TG: variants seen among roughly 807,000 people sequenced by gnomAD.
The protein encoded by TG is thyroid hormones.
A neutral mutation model predicts 324.7 loss-of-function variants in TG; 270 were observed. That is an observed-to-expected ratio of 0.83 (90% CI 0.75 to 0.92). The LOEUF (loss-of-function observed/expected upper bound fraction) is 0.92. TG is among the 40% of genes least tolerant of loss of function. TG has a pLI of 0.00. For synonymous variants in TG, 1,401 were observed against 1,327.0 expected (o/e 1.06, Z -1.21); for missense variants, 3,591 against 3,456.4 (o/e 1.04, Z -0.98).
chr8:132,889,013 A>C (rs1377024308), intron 10 of TG, among the ~76,000 whole-genome samples: 4 of 152,214 alleles, frequency 2.6e-5, no homozygotes, highest in Admixed American at 2.6e-4. Context: ...AATGCTGCTA[A>C]ATATGCAGGC....
At chr8:132,898,377 C>T (rs188736073) in intron 13 of TG, 131 bp downstream of exon 13, 320 of 902,646 alleles carry the variant, frequency 3.5e-4, no homozygotes, top group Non-Finnish European at 4.3e-4. Context: ...TGCAGCCAGA[C>T]GCATTTCCCA....
intron 43 of TG, among the ~76,000 whole-genome samples, chr8:133,096,741 G>A (rs1005414739): frequency 3.9e-5 from 6 of 152,182 alleles, no homozygotes; most frequent in Admixed American, 3.3e-4. Flanking sequence ...GGGAGATGAA[G>A]GGACTCTTGT....
At chr8:133,022,233 C>A in intron 40 of TG, 83 bp downstream of exon 40, 4 of 1,576,776 alleles carry the variant, frequency 2.5e-6, no homozygotes, top group Non-Finnish European at 3.5e-6. Context: ...CCCCTCACTG[C>A]CCCTGCTCCT....
intron 41 of TG, among the ~76,000 whole-genome samples, chr8:133,082,766 T>C (rs923931499): frequency 6.6e-6 from 1 of 152,258 alleles, no homozygotes; most frequent in Non-Finnish European, 1.5e-5. Flanking sequence ...ATGACTTTTA[T>C]TACAGTTTCC....
intron 5 of TG, among the ~76,000 whole-genome samples, chr8:132,878,860 ATCCCAC>A (rs141907975): frequency 1.1e-3 from 162 of 152,202 alleles, no homozygotes; most frequent in Middle Eastern, 0.01. Context: ...TGGCTTTAGA[ATCCCAC>A]TCAAACTCAC....
At chr8:133,092,611 G>A (rs547053342) in intron 41 of TG, among the ~76,000 whole-genome samples, 27 of 152,256 alleles carry the variant, frequency 1.8e-4, no homozygotes, top group Non-Finnish European at 3.7e-4. Flanking sequence ...ACCCTATAAC[G>A]TATGGTTGAT....
Position 133,095,134 on chromosome 8 carries a change from ATG to A in TG, c.7332_7333del (p.Met2444IlefsTer20), listed in dbSNP as rs771718064. 1.3e-5 allele frequency: 21 copies of A among 1,614,236 alleles called. No homozygotes were observed. In the South Asian group the frequency reaches 2.3e-4, roughly 18 times the overall value. ...IALAKEVSCP[M>X]SSSQEVVSCL... ...TTTGGCAAAGGAGGTCAGTTGCCCC[ATG>A]TCATCCAGCCAAGAAGTGGTGTCCT... On this transcript the variant is annotated frameshift_variant, in exon 42 of 48. Transcript: ENST00000220616. LOFTEE classifies it high-confidence loss of function.
chr8:132,943,034 A>G (rs1824680429), intron 26 of TG, among the ~76,000 whole-genome samples: 1 of 152,154 alleles, frequency 6.6e-6, no homozygotes, highest in African/African-American at 2.4e-5. Context: ...CAATATCCCC[A>G]CCAGGCTCAG....
At chr8:133,119,851 A>G (rs147613372) in intron 45 of TG, among the ~76,000 whole-genome samples, 125 of 152,334 alleles carry the variant, frequency 8.2e-4, no homozygotes, top group Middle Eastern at 6.8e-3. Context: ...GTCTCTCTGC[A>G]TAGAACTATA....
chr8:132,912,930 A>G, intron 19 of TG, 117 bp from the exon 20 acceptor site: 1 of 976,466 alleles, frequency 1.0e-6, no homozygotes, highest in Non-Finnish European at 1.6e-6. Flanking sequence ...GAGACACCAC[A>G]TGATGCCTAT....
intron 41 of TG, chr8:133,044,848 T>A: frequency 1.2e-6 from 1 of 821,094 alleles, no homozygotes. Flanking sequence ...ACAGTCTGAA[T>A]TAACGAGAGA....
intron 41 of TG, among the ~76,000 whole-genome samples, chr8:133,070,431 A>G (rs551686487): frequency 6.6e-6 from 1 of 152,332 alleles, no homozygotes; most frequent in African/African-American, 2.4e-5. Context: ...CGGAGGGCCT[A>G]AAGGAGATGT....
Position 132,911,373 on chromosome 8 carries a change from G to A in TG, c.4003-4G>A, listed in dbSNP as rs7824402. On this transcript the variant is annotated splice_polypyrimidine_tract_variant and splice_region_variant and intron_variant, in intron 18 of 47. Transcript: ENST00000220616. ...TTGAGCTGAAAGTGTCTGTCTTCTT[G>A]TAGGTGAAGACTTTTGGCACCCTGG... is the stretch of plus-strand genomic sequence containing the variant. 372 of 1,614,200 alleles carry A rather than the reference G, an allele frequency of 2.3e-4. 1 individual carries two copies. The African/African-American group carries it at 4.4e-3, about 19-fold the overall frequency.
In TG at chr8:132,888,079, A is replaced by C. The variant is rs756084634; in HGVS notation, c.2272A>C (p.Thr758Pro). ...NSSMLPTLSD[T>P]YIPQCSTDGQ... ...CAGCATGCTACCCACCCTTTCCGAC[A>C]CCTACATCCCACAGTGCAGCACCGA... is the stretch of plus-strand genomic sequence containing the variant. The change falls in exon 10 of 48, where the codon ACC becomes CCC. Residue 758 changes from threonine to proline, a missense_variant. By Grantham distance (38) the Thr-to-Pro change is conservative (BLOSUM62 -1). Coordinates refer to ENST00000220616, the MANE Select transcript of TG (RefSeq NM_003235.5). 6.2e-7 allele frequency: 1 copy of C among 1,614,004 alleles called. No individual in the cohort carries two copies. Among genetic ancestry groups the C allele is most frequent in the Non-Finnish European group, 8.5e-7 (1 of 1,179,982 alleles).
chr8:132,916,816 A>G (rs1820350352), intron 20 of TG, among the ~76,000 whole-genome samples: 1 of 152,158 alleles, frequency 6.6e-6, no homozygotes, highest in Non-Finnish European at 1.5e-5. Context: ...AATAACTGAG[A>G]AATTGTCTAT....
intron 34 of TG, among the ~76,000 whole-genome samples, chr8:132,977,335 T>C (rs2130617578): frequency 6.6e-6 from 1 of 152,184 alleles, no homozygotes. Context: ...AGACAAACAT[T>C]TTTACCAAGG....
intron 27 of TG, among the ~76,000 whole-genome samples, chr8:132,952,602 A>G (rs1312747201): frequency 6.6e-6 from 1 of 152,216 alleles, no homozygotes; most frequent in East Asian, 1.9e-4. Context: ...GATCTGGGTA[A>G]TGGGGAATTG....
At chr8:132,959,355 C>T (rs1392310145) in intron 27 of TG, among the ~76,000 whole-genome samples, 2 of 150,728 alleles carry the variant, frequency 1.3e-5, no homozygotes, top group African/African-American at 2.5e-5. Context: ...AATGGTGGTC[C>T]CATAAGATTA....
rs577429898 is a variant in TG, at chr8:133,113,199, A to G, written c.7573-223A>G. On this transcript the variant is annotated intron_variant, in intron 43 of 47. Coordinates refer to ENST00000220616, the MANE Select transcript of TG (RefSeq NM_003235.5). ...ATGTGGCAGGCACTCCCATTTTCAGATGGGGAAGGCAGGCACAGAGAGGGA... is the reference window on the plus strand; with the variant it reads ...ATGTGGCAGGCACTCCCATTTTCAGGTGGGGAAGGCAGGCACAGAGAGGGA... Among the ~76,000 whole-genome samples the G allele has an allele frequency of 2.6e-5, 4 of 152,234 alleles. No individual in the cohort carries two copies. In the South Asian group the frequency reaches 8.3e-4, roughly 32 times the overall value.
Sources: allele counts gnomAD v4.1 joint callset (sites outside exome capture counted in the v4.1 genomes callset), GRCh38; gene constraint gnomAD v4.1.1; transcripts MANE v1.5; gene names NCBI Gene and HGNC (gene_info 2026-07-23, HGNC 2026-07-21).